Variants in C1QTNF3 observed in about 807,000 individuals in gnomAD.
C1QTNF3 encodes the protein complement C1q tumor necrosis factor-related protein 3.
A neutral mutation model predicts 32.6 loss-of-function variants in C1QTNF3; 26 were observed. The ratio of observed to expected loss-of-function variants is 0.80; its 90% CI spans 0.58 to 1.11. The LOEUF is 1.11. Ranked by LOEUF, C1QTNF3 falls within the 50% of genes least tolerant of loss-of-function variation. The pLI is 0.00. For synonymous variants in C1QTNF3, 155 were observed against 146.0 expected (o/e 1.06, Z -0.44); for missense variants, 362 against 398.2 (o/e 0.91, Z 0.77).
the C1QTNF3 span, chr5:34,167,027 T>G: frequency 2.0e-5 from 3 of 152,226 alleles, no homozygotes; most frequent in African/African-American, 7.2e-5. Flanking sequence ...ATGCTGTCTA[T>G]AGAGATTCTA....
At chr5:34,045,784 G>A (rs1053348837), upstream of C1QTNF3, among the ~76,000 whole-genome samples, 2 of 151,896 alleles carry the variant, frequency 1.3e-5, no homozygotes, top group African/African-American at 4.8e-5. Flanking sequence ...AATCAATAAT[G>A]GGTCAATGGC....
At chr5:34,172,820 A>G in the C1QTNF3 span, among the ~76,000 whole-genome samples, 1 of 152,180 alleles carries the variant, frequency 6.6e-6, no homozygotes, top group African/African-American at 2.4e-5. Context: ...AAATTTTTCC[A>G]TTATAAGGAT....
the C1QTNF3 span, among the ~76,000 whole-genome samples, chr5:34,068,854 T>C: frequency 6.6e-6 from 1 of 152,170 alleles, no homozygotes; most frequent in Non-Finnish European, 1.5e-5. Context: ...TTTATCTATG[T>C]CACAAATAAC....
chr5:34,244,722 A>T, the C1QTNF3 span: 2 of 151,942 alleles, frequency 1.3e-5, no homozygotes, highest in Admixed American at 1.3e-4. Flanking sequence ...GGCTTTGCCT[A>T]GTGCATCCCG....
intron 1 of C1QTNF3, among the ~76,000 whole-genome samples, chr5:34,041,202 T>G (rs925820848): frequency 1.3e-5 from 2 of 152,174 alleles, no homozygotes; most frequent in African/African-American, 2.4e-5. Flanking sequence ...ATGCAAACTG[T>G]GGTTTCCATA....
chr5:34,155,856 T>C, the C1QTNF3 span, among the ~76,000 whole-genome samples: 1 of 152,048 alleles, frequency 6.6e-6, no homozygotes, highest in Admixed American at 6.6e-5. Flanking sequence ...TAAGAAGAGA[T>C]AAAAGAAGGG....
the C1QTNF3 span, among the ~76,000 whole-genome samples, chr5:34,142,851 T>C: frequency 6.6e-6 from 1 of 152,162 alleles, no homozygotes; most frequent in East Asian, 1.9e-4. Context: ...TCAGCACAAG[T>C]ACTCTGGCAA....
rs1467425963 is a variant in C1QTNF3, at chr5:34,020,761, A to C, written c.801-19T>G. 6.2e-7 allele frequency: 1 copy of C among 1,606,426 alleles called. No individual in the cohort carries two copies. Among genetic ancestry groups the C allele is most frequent in the Non-Finnish European group, 8.5e-7 (1 of 1,174,480 alleles). ...TTCATAGCTGGAAAGAAAAAGAGGA[A>C]CAAACTACTTAGTTTTTGCCATGAA... On this transcript the variant is annotated intron_variant, in intron 5 of 5. Coordinates refer to ENST00000382065, the MANE Select transcript of C1QTNF3 (RefSeq NM_181435.6).
chr5:34,242,117 C>G, the C1QTNF3 span, among the ~76,000 whole-genome samples: 1 of 152,248 alleles, frequency 6.6e-6, no homozygotes, highest in East Asian at 1.9e-4. Flanking sequence ...TCAAGGCTAT[C>G]TCCATGAAAC....
At chr5:34,051,254 C>T in the C1QTNF3 span, among the ~76,000 whole-genome samples, 1 of 152,156 alleles carries the variant, frequency 6.6e-6, no homozygotes, top group Non-Finnish European at 1.5e-5. Flanking sequence ...TACCTAATTG[C>T]CCAGTCTTCA....
chr5:34,132,200 A>G, the C1QTNF3 span, among the ~76,000 whole-genome samples: 1 of 152,014 alleles, frequency 6.6e-6, no homozygotes, highest in Admixed American at 6.6e-5. Flanking sequence ...CAGCCTGACC[A>G]ACATGGAGAA....
At chr5:34,070,298 G>A in the C1QTNF3 span, among the ~76,000 whole-genome samples, 1 of 152,086 alleles carries the variant, frequency 6.6e-6, no homozygotes, top group South Asian at 2.1e-4. Context: ...GGGCAGTCCT[G>A]CCAATCTACT....
the C1QTNF3 span, chr5:34,158,021 A>G: frequency 1.3e-5 from 2 of 151,966 alleles, no homozygotes; most frequent in Admixed American, 6.6e-5. Context: ...TATCCTCTCC[A>G]TCTACTCATA....
the C1QTNF3 span, among the ~76,000 whole-genome samples, chr5:34,131,566 A>C: frequency 6.6e-6 from 1 of 152,212 alleles, no homozygotes; most frequent in Non-Finnish European, 1.5e-5. Context: ...ATATGTGGAA[A>C]CTAAAAAAAA....
At chr5:34,063,351 C>T in the C1QTNF3 span, among the ~76,000 whole-genome samples, 13 of 151,558 alleles carry the variant, frequency 8.6e-5, no homozygotes, top group African/African-American at 2.9e-4. Context: ...TTTCTCTCTC[C>T]TCTGTCTCTG....
the C1QTNF3 span, among the ~76,000 whole-genome samples, chr5:34,142,066 A>G: frequency 6.6e-6 from 1 of 152,322 alleles, no homozygotes; most frequent in African/African-American, 2.4e-5. Flanking sequence ...GGCCAGTTCA[A>G]AAAGTGTGTG....
chr5:34,206,793 G>GT, the C1QTNF3 span, among the ~76,000 whole-genome samples: 2 of 150,830 alleles, frequency 1.3e-5, no homozygotes, highest in African/African-American at 4.9e-5. Context: ...AGTTTCTACA[G>GT]TAACATACAG....
At chr5:34,177,475 C>A in the C1QTNF3 span, among the ~76,000 whole-genome samples, 4 of 145,910 alleles carry the variant, frequency 2.7e-5, no homozygotes, top group Admixed American at 7.2e-5. Flanking sequence ...CACGACCATA[C>A]CCAACTTTTT....
At chr5:34,229,245 T>TA in the C1QTNF3 span, among the ~76,000 whole-genome samples, 1 of 151,886 alleles carries the variant, frequency 6.6e-6, no homozygotes, top group African/African-American at 2.4e-5. Flanking sequence ...TTACATATCA[T>TA]AAAAAATTCT....
Sources: gnomAD v4.1 joint callset for allele counts (sites outside exome capture counted in the v4.1 genomes callset) on GRCh38, gnomAD v4.1.1 for gene constraint, MANE v1.5 for transcripts, NCBI Gene and HGNC (gene_info 2026-07-23, HGNC 2026-07-21) for gene names.